The following SLC8A1 variants were observed in gnomAD, a reference collection of about 807,000 sequenced individuals.
SLC8A1 encodes solute carrier family 8 member A1.
A neutral mutation model predicts 68.3 loss-of-function variants in SLC8A1; 18 were observed. The observed-to-expected ratio is 0.26, with a 90% confidence interval of 0.18 to 0.39. The LOEUF (loss-of-function observed/expected upper bound fraction) is 0.39, where lower values mean the gene tolerates loss of function less well. SLC8A1 is among the 10% of genes least tolerant of loss of function. SLC8A1 has a pLI of 1.00. For synonymous variants in SLC8A1, 475 were observed against 415.5 expected (o/e 1.14, Z -1.74); for missense variants, 985 against 1,156.7 (o/e 0.85, Z 2.15).
At chr2:40,387,936 C>CAAAAAA (rs57394425) in intron 2 of SLC8A1, among the ~76,000 whole-genome samples, 30 of 90,932 alleles carry the variant, frequency 3.3e-4, no homozygotes, top group Non-Finnish European at 4.9e-4. Context: ...GAGACTGCCT[C>CAAAAAA]AAAAAAAAAA....
chr2:40,436,384 G>A (rs981962428), intron 1 of SLC8A1, among the ~76,000 whole-genome samples: 1 of 152,146 alleles, frequency 6.6e-6, no homozygotes, highest in South Asian at 2.1e-4. Flanking sequence ...ACCCTAACAT[G>A]AGCAGAGTTC....
chr2:40,463,901 G>T (rs1054442641), intron 1 of SLC8A1, among the ~76,000 whole-genome samples: 18 of 148,222 alleles, frequency 1.2e-4, no homozygotes, highest in South Asian at 4.4e-4. Context: ...TATATATAGA[G>T]AGAGAGACAG....
chr2:40,500,296 A>G (rs1246981378), intron 1 of SLC8A1, among the ~76,000 whole-genome samples: 1 of 152,062 alleles, frequency 6.6e-6, no homozygotes, highest in Non-Finnish European at 1.5e-5. Flanking sequence ...TCTCATATTG[A>G]GTTCCACTCA....
chr2:40,339,785 A>C (rs879467059), intron 2 of SLC8A1, among the ~76,000 whole-genome samples: 1 of 152,232 alleles, frequency 6.6e-6, no homozygotes, highest in Non-Finnish European at 1.5e-5. Flanking sequence ...GTATCTAAAT[A>C]GATGGATGGA....
chr2:40,262,606 A>G (rs1437197284), intron 2 of SLC8A1, among the ~76,000 whole-genome samples: 3 of 152,252 alleles, frequency 2.0e-5, no homozygotes, highest in Non-Finnish European at 4.4e-5. Context: ...AAAATAAAAC[A>G]TAAGGGTATG....
intron 7 of SLC8A1, among the ~76,000 whole-genome samples, chr2:40,138,133 A>T (rs1327342661): frequency 6.6e-6 from 1 of 152,150 alleles, no homozygotes. Flanking sequence ...GTTAAGTATG[A>T]TTATCCCTAT....
At chr2:40,123,914 C>G (rs921822614) in intron 7 of SLC8A1, among the ~76,000 whole-genome samples, 1 of 152,166 alleles carries the variant, frequency 6.6e-6, no homozygotes, top group Non-Finnish European at 1.5e-5. Context: ...CTGCACAGAT[C>G]GGTGTCCTCT....
intron 2 of SLC8A1, among the ~76,000 whole-genome samples, chr2:40,273,090 G>A (rs1281483872): frequency 1.3e-5 from 2 of 151,826 alleles, no homozygotes; most frequent in African/African-American, 2.4e-5. Flanking sequence ...TTACAGGCGC[G>A]CGCCACCAAG....
intron 2 of SLC8A1, among the ~76,000 whole-genome samples, chr2:40,336,965 TAATGTACC>T (rs1446184106): frequency 6.6e-6 from 1 of 152,156 alleles, no homozygotes; most frequent in Non-Finnish European, 1.5e-5. Flanking sequence ...GCACCTGGCA[TAATGTACC>T]AAATTGATAT....
At chr2:40,325,948 C>T (rs139938346) in intron 2 of SLC8A1, among the ~76,000 whole-genome samples, 1 of 152,066 alleles carries the variant, frequency 6.6e-6, no homozygotes. Flanking sequence ...TGAGAGTTCA[C>T]TGCTGGGCCT....
intron 2 of SLC8A1, among the ~76,000 whole-genome samples, chr2:40,369,099 A>G (rs577042316): frequency 6.6e-6 from 1 of 152,240 alleles, no homozygotes; most frequent in South Asian, 2.1e-4. Context: ...GAGACGACCT[A>G]GGCAATAACA....
intron 2 of SLC8A1, among the ~76,000 whole-genome samples, chr2:40,333,331 G>A (rs757002359): frequency 1.3e-5 from 2 of 151,756 alleles, no homozygotes; most frequent in Non-Finnish European, 2.9e-5. Flanking sequence ...CCAGTTACTC[G>A]GGAGGTTGAG....
intron 2 of SLC8A1, among the ~76,000 whole-genome samples, chr2:40,240,735 G>A (rs1235066685): frequency 2.0e-5 from 3 of 152,090 alleles, no homozygotes; most frequent in African/African-American, 7.2e-5. Flanking sequence ...AAGTGAAGTC[G>A]GGCATGGCAG....
At chr2:40,251,818 G>A (rs2062800792) in intron 2 of SLC8A1, 1 of 151,948 alleles carries the variant, frequency 6.6e-6, no homozygotes, top group African/African-American at 2.4e-5. Flanking sequence ...TTTAGAAGTT[G>A]GTCTAATCCA....
At chr2:40,429,523 T>G in exon 2 of SLC8A1, 2 of 1,613,784 alleles carry the variant, frequency 1.2e-6, no homozygotes, top group Non-Finnish European at 8.5e-7. Context: ...AAGTCTCCTA[T>G]CCGCTACCCA....
chr2:40,260,741 G>GT (rs79178846), intron 2 of SLC8A1, among the ~76,000 whole-genome samples: 1,916 of 142,286 alleles, frequency 0.013, 10 homozygotes, highest in South Asian at 0.025. Flanking sequence ...TGTGTATGTG[G>GT]TTTTTTTTTT....
At chr2:40,496,475 T>A (rs936641057) in intron 1 of SLC8A1, among the ~76,000 whole-genome samples, 5 of 152,096 alleles carry the variant, frequency 3.3e-5, no homozygotes. Context: ...AGTGGCACCA[T>A]GTGTGGATTT....
At chr2:40,379,251 C>T (rs949585142) in intron 2 of SLC8A1, among the ~76,000 whole-genome samples, 1 of 152,120 alleles carries the variant, frequency 6.6e-6, no homozygotes, top group African/African-American at 2.4e-5. Context: ...AATCTCTAAG[C>T]TTCCAGGTCA....
intron 2 of SLC8A1, among the ~76,000 whole-genome samples, chr2:40,363,562 G>A (rs1675195487): frequency 6.6e-6 from 1 of 152,090 alleles, no homozygotes; most frequent in African/African-American, 2.4e-5. Flanking sequence ...AAGCTACCCT[G>A]AAGCAGTAAC....
Sources: allele counts gnomAD v4.1 joint callset (sites outside exome capture counted in the v4.1 genomes callset), GRCh38; gene constraint gnomAD v4.1.1; transcripts MANE v1.5; gene names NCBI Gene and HGNC (gene_info 2026-07-23, HGNC 2026-07-21).